ARPC1B: variants seen among roughly 807,000 people sequenced by gnomAD.
ARPC1B encodes actin related protein 2/3 complex subunit 1B.
ARPC1B carries 29 observed loss-of-function variants against 46.0 expected under a neutral mutation model. The ratio of observed to expected loss-of-function variants is 0.63; its 90% confidence interval spans 0.47 to 0.86. ARPC1B has a LOEUF of 0.86. Among genes scored for constraint, ARPC1B ranks in the 40% least tolerant of loss-of-function variants. The pLI, the probability that ARPC1B is intolerant of heterozygous loss-of-function variation, is 0.00. For synonymous variants in ARPC1B, 201 were observed against 213.9 expected (o/e 0.94, Z 0.53); for missense variants, 469 against 529.4 (o/e 0.89, Z 1.12).
At chr7:99,377,251 G>T (rs1271916899) in intron 1 of ARPC1B, 1 of 151,934 alleles carries the variant, frequency 6.6e-6, no homozygotes, top group Non-Finnish European at 1.5e-5. Context: ...CTCCTGCCTT[G>T]GCCTCCCAAA....
At position 99,388,051 on chromosome 7, in the gene ARPC1B, C is replaced by T. The variant is rs1562815439; in HGVS notation, c.182C>T (p.Ala61Val). The change falls in exon 4 of 10, where the codon GCC becomes GTC. Residue 61 changes from alanine to valine, a missense_variant. Physicochemically the swap from Ala to Val is moderately conservative, Grantham distance 64. Coordinates refer to ENST00000646101, the MANE Select transcript of ARPC1B (RefSeq NM_005720.4). The stretch of plus-strand genomic sequence containing the variant: ...CATCCCCCCACAGGCATCGACTGGG[C>T]CCCCGAGAGTAACCGTATTGTGACC... The part of the protein sequence containing the change: ...HNGQVTGIDW[A>V]PESNRIVTCG... 1.2e-6 allele frequency: 2 copies of T among 1,603,284 alleles called. No homozygotes were observed. Among genetic ancestry groups the T allele is most frequent in the Non-Finnish European group, 1.7e-6 (2 of 1,171,002 alleles).
At position 99,385,305 on chromosome 7, in the gene ARPC1B, TGGGG is replaced by T. The variant is rs3052177; in HGVS notation, c.-13-387_-13-384del. Among the ~76,000 whole-genome samples the T allele has an allele frequency of 2.8e-4, 17 of 61,730 alleles. 1 individual carries two copies. The highest frequency in any genetic ancestry group is 5.8e-4 in the African/African-American group (14 of 24,104). 40.5% of individuals were successfully genotyped at this position (61,730 alleles called of 152,430 possible). On this transcript the variant is annotated intron_variant, in intron 1 of 9. Transcript: ENST00000646101. ...CCTTAATGGGGCAGGGGAAGTTGGGTGGGGGGGGGGGGGTCGTCCATCCTATGAG... is the reference window on the plus strand; with the variant it reads ...CCTTAATGGGGCAGGGGAAGTTGGGTGGGGGGGGGTCGTCCATCCTATGAG...
In ARPC1B at chr7:99,392,717, G is replaced by C. The variant is rs1584412217; in HGVS notation, c.830G>C (p.Gly277Ala). ...PVLFTYDAAAGMLSFGGRLDV... is the reference protein window; with the variant it reads ...PVLFTYDAAAAMLSFGGRLDV... Reference sequence around the variant, plus strand: ...CTGTTCACCTATGACGCCGCCGCGGGGATGCTGAGCTTCGGCGGGCGGCTG... The same window carrying C: ...CTGTTCACCTATGACGCCGCCGCGGCGATGCTGAGCTTCGGCGGGCGGCTG... The change falls in exon 8 of 10, where the codon GGG (glycine) becomes GCG (alanine). Residue 277 changes from glycine to alanine, a missense_variant. Gly to Ala is a moderately conservative substitution (Grantham distance 60). Transcript: ENST00000646101. 6.5e-7 allele frequency: 1 copy of C among 1,547,542 alleles called. No homozygotes were observed. Among genetic ancestry groups the C allele is most frequent in the South Asian group, 1.2e-5 (1 of 83,984 alleles).
intron 8 of ARPC1B, 82 bp downstream of exon 8, chr7:99,392,958 T>G: frequency 2.2e-6 from 3 of 1,342,998 alleles, no homozygotes; most frequent in Non-Finnish European, 3.0e-6. Context: ...GGGCCTGGAG[T>G]CTTCCTCCTG....
At chr7:99,386,307 G>A (rs550180900) in intron 2 of ARPC1B, 6 of 386,262 alleles carry the variant, frequency 1.6e-5, no homozygotes, top group African/African-American at 4.2e-5. Context: ...AAAGCCTTTC[G>A]GAGGAGATGA....
intron 1 of ARPC1B, among the ~76,000 whole-genome samples, chr7:99,380,417 A>G (rs1203382610): frequency 6.6e-6 from 1 of 152,038 alleles, no homozygotes; most frequent in East Asian, 1.9e-4. Context: ...CCCCCTTAAC[A>G]CTTCTTTGCC....
chr7:99,394,123 A>C lies in ARPC1B; in HGVS notation c.1080+4A>C, dbSNP rs368278816. The C allele has an allele frequency of 7.9e-5, 127 of 1,612,978 alleles. No individual in the cohort carries two copies. Among genetic ancestry groups the C allele is most frequent in the Non-Finnish European group, 9.5e-5 (112 of 1,179,952 alleles). On this transcript the variant is annotated splice_donor_region_variant and intron_variant, in intron 9 of 9. Transcript: ENST00000646101. Reference sequence around the variant, plus strand: ...CATGAGTATCTGGGATGTGAAGGTGAGGCTTGCCCCTCCTGGCTTCCCGCC... The same window carrying C: ...CATGAGTATCTGGGATGTGAAGGTGCGGCTTGCCCCTCCTGGCTTCCCGCC...
rs1794613868 is a variant in ARPC1B at position 99,392,848 on chromosome 7, C to G, written c.961C>G (p.Leu321Val). ...SEGGTAAGAG[L>V]DSLHKNSVSQ... The stretch of plus-strand genomic sequence containing the variant: ...GGGTGGCACGGCTGCGGGCGCGGGC[C>G]TAGACTCGCTGCACAAGAACAGCGT... The change falls in exon 8 of 10, where the codon CTA becomes GTA. Residue 321 changes from leucine to valine, a missense_variant. By Grantham distance (32) the Leu-to-Val change is conservative. Transcript: ENST00000646101. 6.5e-7 allele frequency: 1 copy of G among 1,547,834 alleles called. No individual in the cohort carries two copies. Among genetic ancestry groups the G allele is most frequent in the Non-Finnish European group, 8.7e-7 (1 of 1,145,146 alleles).
At chr7:99,378,777 T>TTTC (rs1794110919) in intron 1 of ARPC1B, among the ~76,000 whole-genome samples, 2 of 130,546 alleles carry the variant, frequency 1.5e-5, no homozygotes, top group African/African-American at 3.3e-5. Flanking sequence ...TCTTTTTCTT[T>TTTC]TTTTTTTTTT....
In ARPC1B at chr7:99,394,535, G is replaced by A. The variant is rs758923599; in HGVS notation, c.*46G>A. On this transcript the variant is annotated 3_prime_UTR_variant, in exon 10 of 10. Coordinates refer to ENST00000646101, the MANE Select transcript of ARPC1B (RefSeq NM_005720.4). ...TTCATCCTAGCTGCTGGGGAAGCGG[G>A]GAGAGGGGTCAGGGAGGCTAATGGT... 1 of 1,613,826 alleles carries A rather than the reference G, an allele frequency of 6.2e-7. No homozygotes were observed. Among genetic ancestry groups the A allele is most frequent in the Non-Finnish European group, 8.5e-7 (1 of 1,179,936 alleles).
chr7:99,379,174 C>G (rs947702122), intron 1 of ARPC1B, among the ~76,000 whole-genome samples: 1 of 152,186 alleles, frequency 6.6e-6, no homozygotes, highest in Non-Finnish European at 1.5e-5. Flanking sequence ...AAGAATTAAA[C>G]CAATTAGCAA....
At chr7:99,392,607 T>C in intron 7 of ARPC1B, 64 bp from the exon 8 acceptor site, 1 of 1,397,644 alleles carries the variant, frequency 7.2e-7, no homozygotes, top group Non-Finnish European at 9.3e-7. Flanking sequence ...GACGCCCGCC[T>C]GGCCTTCCCT....
chr7:99,393,896 G>GC (rs1794668714), intron 8 of ARPC1B, 133 bp from the exon 9 acceptor site: 1 of 833,578 alleles, frequency 1.2e-6, no homozygotes, highest in East Asian at 2.5e-5. Context: ...TGACTTCTAA[G>GC]CCCACTACAC....
Position 99,386,753 on chromosome 7 carries a change from G to A in ARPC1B, c.133G>A (p.Val45Met), listed in dbSNP as rs745516024. The part of the protein sequence containing the change: ...YEKSGAKWTK[V>M]HELKEHNGQV... Reference sequence around the variant, plus strand: ...AAAGAGCGGTGCCAAATGGACCAAGGTGCACGAGCTCAAGGAGCACAACGG... The same window carrying A: ...AAAGAGCGGTGCCAAATGGACCAAGATGCACGAGCTCAAGGAGCACAACGG... The change falls in exon 3 of 10, where the codon GTG becomes ATG. Residue 45 changes from valine (V) to methionine (M), a missense_variant. Physicochemically the swap from Val to Met is conservative, Grantham distance 21 (BLOSUM62 1). Coordinates refer to ENST00000646101, the MANE Select transcript of ARPC1B (RefSeq NM_005720.4). 11 of 1,614,102 alleles carry A rather than the reference G, an allele frequency of 6.8e-6. No individual in the cohort carries two copies. In the Admixed American group the frequency reaches 1.5e-4, roughly 22 times the overall value.
intron 1 of ARPC1B, among the ~76,000 whole-genome samples, chr7:99,379,729 T>C (rs1038613983): frequency 3.3e-5 from 5 of 151,672 alleles, no homozygotes; most frequent in Admixed American, 2.6e-4. Context: ...CCCAGGACTT[T>C]AGAGTGCCTC....
At chr7:99,389,689 A>G (rs370219313) in intron 4 of ARPC1B, 68 of 552,662 alleles carry the variant, frequency 1.2e-4, no homozygotes, top group African/African-American at 1.1e-3. Flanking sequence ...GGCCTAAAGG[A>G]TAGAGGGCAC....
At chr7:99,392,899 C>A in intron 8 of ARPC1B, 23 bp downstream of exon 8, 1 of 1,519,418 alleles carries the variant, frequency 6.6e-7, no homozygotes, top group Non-Finnish European at 8.9e-7. Flanking sequence ...GCCGGGCCGG[C>A]GGGTGGGCGG....
chr7:99,377,673 C>T lies in ARPC1B; in HGVS notation c.-14+2892C>T, dbSNP rs75811873. 1.1e-3 allele frequency among the ~76,000 whole-genome samples: 172 copies of T among 150,068 alleles called. 3 individuals carry two copies. In the East Asian group the frequency reaches 0.028, roughly 24 times the overall value. On this transcript the variant is annotated intron_variant, in intron 1 of 9. Transcript: ENST00000646101. Reference sequence around the variant, plus strand: ...TGGAGGTGGCGGAGTTTCACTCTGTCGCCCAGGCTGCAGTGCAGTGGCACA... The same window carrying T: ...TGGAGGTGGCGGAGTTTCACTCTGTTGCCCAGGCTGCAGTGCAGTGGCACA...
intron 1 of ARPC1B, among the ~76,000 whole-genome samples, chr7:99,380,204 G>C (rs1162234631): frequency 3.9e-5 from 6 of 152,208 alleles, no homozygotes; most frequent in Admixed American, 1.3e-4. Flanking sequence ...GGATGATGAA[G>C]TTGGAGTGTC....
Sources: allele counts gnomAD v4.1 joint callset (sites outside exome capture counted in the v4.1 genomes callset), GRCh38; gene constraint gnomAD v4.1.1; transcripts MANE v1.5; gene names NCBI Gene and HGNC (gene_info 2026-07-23, HGNC 2026-07-21).